Variants in KLF8 observed in about 807,000 individuals in gnomAD.
The protein encoded by KLF8 is KLF transcription factor 8.
In KLF8, 10 loss-of-function variants were observed where a neutral mutation model predicts 18.2. That is an observed-to-expected ratio of 0.55 (90% CI 0.34 to 0.93). The LOEUF is 0.93. Among genes scored for constraint, KLF8 ranks in the 40% least tolerant of loss-of-function variants. The pLI, the probability that KLF8 is intolerant of heterozygous loss-of-function variation, is 0.02. For missense variants in KLF8, 264 were observed against 277.9 expected, an observed-to-expected ratio of 0.95 and a Z score of 0.36; for synonymous variants, 109 against 97.3, an observed-to-expected ratio of 1.12 and a Z score of -0.71.
At chrX:56,165,332 T>C in the KLF8 span, among the ~76,000 whole-genome samples, 19 of 112,266 alleles carry the variant, frequency 1.7e-4, no homozygotes, top group African/African-American at 5.2e-4. Flanking sequence ...GCACAGCTGC[T>C]CTGCAAAAAC....
the KLF8 span, among the ~76,000 whole-genome samples, chrX:55,956,485 C>T: frequency 2.7e-5 from 3 of 111,315 alleles, no homozygotes; most frequent in African/African-American, 9.8e-5. Context: ...TGCTGTTTTC[C>T]GTAAGGCTTG....
the KLF8 span, among the ~76,000 whole-genome samples, chrX:55,955,822 T>A: frequency 3.6e-5 from 4 of 112,027 alleles, no homozygotes; most frequent in East Asian, 1.1e-3. Flanking sequence ...ACTCATTACA[T>A]GATTGAATAA....
the KLF8 span, among the ~76,000 whole-genome samples, chrX:55,925,708 G>A: frequency 1.3e-4 from 15 of 111,748 alleles, no homozygotes; most frequent in Non-Finnish European, 2.3e-4. Flanking sequence ...ACCTCAAGGA[G>A]GTGGAAAGGC....
chrX:56,131,935 A>G, the KLF8 span, among the ~76,000 whole-genome samples: 233 of 112,191 alleles, frequency 2.1e-3, no homozygotes, highest in African/African-American at 7.2e-3. Flanking sequence ...CAACAGGCAA[A>G]TATCGCAATC....
chrX:56,008,024 T>C, the KLF8 span, among the ~76,000 whole-genome samples: 1 of 110,416 alleles, frequency 9.1e-6, no homozygotes, highest in African/African-American at 3.3e-5. Flanking sequence ...GTAGTTACTA[T>C]AATCTAAAAT....
chrX:55,913,403 C>A, the KLF8 span, among the ~76,000 whole-genome samples: 1 of 111,178 alleles, frequency 9.0e-6, no homozygotes, highest in Non-Finnish European at 1.9e-5. Flanking sequence ...AAAATGATCT[C>A]ATTTTATTTT....
chrX:55,908,339 C>T, the KLF8 span: 57 of 284,439 alleles, frequency 2.0e-4, no homozygotes, highest in African/African-American at 1.4e-3. Flanking sequence ...TGTCCGCCAG[C>T]CTAAGTGGGA....
chrX:56,056,800 TA>T, the KLF8 span, among the ~76,000 whole-genome samples: 9 of 41,999 alleles, frequency 2.1e-4, no homozygotes, highest in East Asian at 7.2e-4. Flanking sequence ...AAAGTATATA[TA>T]AAAAAAAAAG....
At chrX:55,987,342 C>G in the KLF8 span, among the ~76,000 whole-genome samples, 1 of 110,244 alleles carries the variant, frequency 9.1e-6, no homozygotes, top group East Asian at 2.8e-4. Flanking sequence ...TAATGCTATA[C>G]CTCCCCCCTC....
At chrX:55,945,002 A>T in the KLF8 span, among the ~76,000 whole-genome samples, 1 of 110,280 alleles carries the variant, frequency 9.1e-6, no homozygotes, top group Non-Finnish European at 1.9e-5. Context: ...ACTGCTTTGT[A>T]TGTGTCCCAG....
the KLF8 span, among the ~76,000 whole-genome samples, chrX:55,933,264 C>G: frequency 9.0e-6 from 1 of 111,646 alleles, no homozygotes; most frequent in South Asian, 3.7e-4. Context: ...TGTCCAGTCA[C>G]CATTTAAAAC....
At chrX:56,183,769 A>G in the KLF8 span, among the ~76,000 whole-genome samples, 2 of 112,249 alleles carry the variant, frequency 1.8e-5, no homozygotes, top group Admixed American at 9.5e-5. Context: ...AGAACAAATG[A>G]CAAAATGGCA....
chrX:56,132,027 C>T, the KLF8 span, among the ~76,000 whole-genome samples: 2 of 111,422 alleles, frequency 1.8e-5, no homozygotes, highest in African/African-American at 6.5e-5. Context: ...CAGATGGCAA[C>T]ACAATAATAG....
chrX:56,111,576 T>C, the KLF8 span, among the ~76,000 whole-genome samples: 6 of 111,695 alleles, frequency 5.4e-5, no homozygotes, highest in Non-Finnish European at 1.1e-4. Context: ...TTGCAATCTA[T>C]CCATCTGACA....
chrX:56,140,555 G>A, the KLF8 span, among the ~76,000 whole-genome samples: 1 of 110,531 alleles, frequency 9.0e-6, no homozygotes, highest in Non-Finnish European at 1.9e-5. Context: ...GCTAAACATT[G>A]GAGTACACAT....
At chrX:56,199,651 A>G in the KLF8 span, among the ~76,000 whole-genome samples, 1 of 111,891 alleles carries the variant, frequency 8.9e-6, no homozygotes, top group Non-Finnish European at 1.9e-5. Flanking sequence ...GATTAGCTCA[A>G]TTATTGTCTA....
At chrX:56,110,610 T>C in the KLF8 span, among the ~76,000 whole-genome samples, 2 of 111,818 alleles carry the variant, frequency 1.8e-5, no homozygotes, top group Non-Finnish European at 3.8e-5. Flanking sequence ...TTGTTTCCTG[T>C]GTATATCTTA....
chrX:56,144,200 T>C, the KLF8 span, among the ~76,000 whole-genome samples: 1 of 111,653 alleles, frequency 9.0e-6, no homozygotes, highest in South Asian at 3.7e-4. Flanking sequence ...GACTAAAATA[T>C]AAGAGCTAAA....
the KLF8 span, among the ~76,000 whole-genome samples, chrX:56,199,667 G>A: frequency 8.9e-5 from 10 of 111,879 alleles, 1 homozygote; most frequent in East Asian, 2.8e-3. Context: ...GTCTAAGAGA[G>A]TGTGGCGATT....
Sources: gnomAD v4.1 joint callset for allele counts (sites outside exome capture counted in the v4.1 genomes callset) on GRCh38, gnomAD v4.1.1 for gene constraint, MANE v1.5 for transcripts, NCBI Gene and HGNC (gene_info 2026-07-23, HGNC 2026-07-21) for gene names.